Variants in LDAH observed in about 807,000 individuals in gnomAD.
The protein encoded by LDAH is lipid droplet associated hydrolase.
A neutral mutation model predicts 29.6 loss-of-function variants in LDAH; 26 were observed. The observed-to-expected ratio is 0.88, with a 90% confidence interval of 0.64 to 1.22. The LOEUF (loss-of-function observed/expected upper bound fraction) is 1.22. Among genes scored for constraint, LDAH ranks in the 50% most tolerant of loss-of-function variants. The probability of loss-of-function intolerance (pLI) is 0.00; values close to 1 mark genes in which losing one functional copy is unlikely to be tolerated. For synonymous variants in LDAH, 117 were observed against 133.0 expected (o/e 0.88, Z 0.83); for missense variants, 344 against 387.3 (o/e 0.89, Z 0.94).
At chr2:20,781,096 G>A (rs941636025) in intron 3 of LDAH, among the ~76,000 whole-genome samples, 1 of 152,140 alleles carries the variant, frequency 6.6e-6, no homozygotes, top group African/African-American at 2.4e-5. Context: ...AAACCAGCAT[G>A]ATTTCTAGCT....
Position 20,701,553 on chromosome 2 carries a change from A to G in LDAH, c.786+17T>C. 6.2e-7 allele frequency: 1 copy of G among 1,605,944 alleles called. No individual in the cohort carries two copies. The highest frequency in any genetic ancestry group is 8.5e-7 in the Non-Finnish European group (1 of 1,172,682). ...ATCTACTTATTATCTATCCCCTTGCAGCACTAAAGTGATTACCTTACATAA... is the reference window on the plus strand; with the variant it reads ...ATCTACTTATTATCTATCCCCTTGCGGCACTAAAGTGATTACCTTACATAA... On this transcript the variant is annotated intron_variant, in intron 6 of 6. Coordinates refer to ENST00000237822, the MANE Select transcript of LDAH (RefSeq NM_021925.4).
intron 4 of LDAH, among the ~76,000 whole-genome samples, chr2:20,760,203 T>C (rs949601320): frequency 6.6e-6 from 1 of 151,964 alleles, no homozygotes; most frequent in Non-Finnish European, 1.5e-5. Context: ...GGTAAGATAG[T>C]GTAAAAGCAG....
rs138999136 is a variant in LDAH at position 20,767,007 on chromosome 2, C to T, written c.468+7803G>A. On this transcript the variant is annotated intron_variant, in intron 4 of 6. Coordinates refer to ENST00000237822, the MANE Select transcript of LDAH (RefSeq NM_021925.4). The stretch of plus-strand genomic sequence containing the variant: ...ACACTCCTGACGGCCAGACCAGGGC[C>T]TGCAATCCATTCCTGGAGGTGCGCA... Among the ~76,000 whole-genome samples, 195 of 152,342 alleles carry T rather than the reference C, an allele frequency of 1.3e-3. 1 individual carries two copies. Among genetic ancestry groups the T allele is most frequent in the African/African-American group, 4.4e-3 (183 of 41,590 alleles).
intron 4 of LDAH, among the ~76,000 whole-genome samples, chr2:20,766,623 C>A (rs1448577463): frequency 6.6e-6 from 1 of 152,258 alleles, no homozygotes; most frequent in Non-Finnish European, 1.5e-5. Context: ...GACTGATCCA[C>A]TGGTTGCAAC....
In LDAH at chr2:20,777,844, T is replaced by C. The variant is rs1175553123; in HGVS notation, c.299-2865A>G. Among the ~76,000 whole-genome samples, 8 of 152,182 alleles carry C rather than the reference T, an allele frequency of 5.3e-5. No individual in the cohort carries two copies. In the East Asian group the frequency reaches 1.3e-3, roughly 26 times the overall value. ...TTAATAGTAATATATTCTGAGAAAA[T>C]GCTAGAAATTATTAACTTACTCTCC... On this transcript the variant is annotated intron_variant, in intron 3 of 6. Coordinates refer to ENST00000237822, the MANE Select transcript of LDAH (RefSeq NM_021925.4).
Position 20,685,772 on chromosome 2 carries a change from G to A in LDAH, c.*1131C>T, listed in dbSNP as rs933018554. 3.2e-6 allele frequency: 4 copies of A among 1,259,248 alleles called. No homozygotes were observed. The highest frequency in any genetic ancestry group is 4.3e-6 in the Non-Finnish European group (4 of 933,216). The allele number at this position is 1,259,248 out of a possible 1,614,324, so 78.0% of individuals were successfully genotyped here. ...ATATTGTCAGCCCACTCTAGGCCAGGGAATATGTGTCTTCTCTGCCATACC... is the reference window on the plus strand; with the variant it reads ...ATATTGTCAGCCCACTCTAGGCCAGAGAATATGTGTCTTCTCTGCCATACC... On this transcript the variant is annotated 3_prime_UTR_variant, in exon 7 of 7. Transcript: ENST00000237822.
rs529675917 is a variant in LDAH, at chr2:20,815,395, C to A, written c.-3+7642G>T. 5.9e-5 allele frequency among the ~76,000 whole-genome samples: 9 copies of A among 151,742 alleles called. No individual in the cohort carries two copies. In the East Asian group the frequency reaches 1.7e-3, roughly 29 times the overall value. ...AAAGATATAATAGCTGAAAACTTCACAATTTGACAAAAGACATAAATCTAC... is the reference window on the plus strand; with the variant it reads ...AAAGATATAATAGCTGAAAACTTCAAAATTTGACAAAAGACATAAATCTAC... On this transcript the variant is annotated intron_variant, in intron 1 of 6. Transcript: ENST00000237822.
chr2:20,806,829 T>A (rs1572674570), intron 1 of LDAH, among the ~76,000 whole-genome samples: 1 of 151,784 alleles, frequency 6.6e-6, no homozygotes, highest in East Asian at 1.9e-4. Context: ...ATGCATATAT[T>A]AGAAAACAAG....
At chr2:20,708,959 A>C (rs892222390) in intron 5 of LDAH, among the ~76,000 whole-genome samples, 1 of 152,220 alleles carries the variant, frequency 6.6e-6, no homozygotes, top group Non-Finnish European at 1.5e-5. Flanking sequence ...AACTCTTACA[A>C]ATCAATAATA....
At chr2:20,817,326 A>G (rs1672918362) in intron 1 of LDAH, among the ~76,000 whole-genome samples, 6 of 152,038 alleles carry the variant, frequency 3.9e-5, no homozygotes, top group Admixed American at 3.9e-4. Flanking sequence ...TTACTAATAC[A>G]GTAGCAATAA....
In LDAH at chr2:20,787,612, C is replaced by T. The variant is rs2043717; in HGVS notation, c.298+2643G>A. Among the ~76,000 whole-genome samples the T allele has an allele frequency of 5.2e-3, 787 of 152,048 alleles. 8 individuals carry two copies. Among genetic ancestry groups the T allele is most frequent in the African/African-American group, 0.018 (746 of 41,482 alleles). On this transcript the variant is annotated intron_variant, in intron 3 of 6. Transcript: ENST00000237822. ...CTTAGCCTCAGCTTTTTTCTTATTG[C>T]GAGGAGAGAAGTGACAAACTCCAAG...
intron 5 of LDAH, among the ~76,000 whole-genome samples, chr2:20,704,996 C>T (rs1664206077): frequency 6.6e-6 from 1 of 152,206 alleles, no homozygotes; most frequent in Non-Finnish European, 1.5e-5. Context: ...TTTGCCACTT[C>T]TCTGGACTGG....
Position 20,715,786 on chromosome 2 carries a change from A to G in LDAH, c.704-14134T>C, listed in dbSNP as rs535296594. ...GAGTGAACTCCCATTCACAATTGCT[A>G]CAAAGAGAATAAAATACCTAGGAAT... On this transcript the variant is annotated intron_variant, in intron 5 of 6. Coordinates refer to ENST00000237822, the MANE Select transcript of LDAH (RefSeq NM_021925.4). 2.0e-5 allele frequency among the ~76,000 whole-genome samples: 3 copies of G among 150,690 alleles called. No homozygotes were observed. In the East Asian group the frequency reaches 5.8e-4, roughly 29 times the overall value.
intron 4 of LDAH, among the ~76,000 whole-genome samples, chr2:20,746,745 G>T (rs1667594841): frequency 1.3e-5 from 2 of 151,506 alleles, no homozygotes; most frequent in African/African-American, 4.8e-5. Context: ...TGTGGTGAAG[G>T]TTTCCAAATC....
intron 5 of LDAH, among the ~76,000 whole-genome samples, chr2:20,739,291 C>T (rs1353142347): frequency 6.6e-6 from 1 of 151,926 alleles, no homozygotes; most frequent in Non-Finnish European, 1.5e-5. Context: ...ACTAGAATAA[C>T]CTTTTGAAGT....
chr2:20,690,664 G>T (rs1399597094), intron 6 of LDAH, among the ~76,000 whole-genome samples: 1 of 152,126 alleles, frequency 6.6e-6, no homozygotes, highest in Non-Finnish European at 1.5e-5. Context: ...AGGAAAATGA[G>T]AAAGTATGGA....
rs1662532494 is a variant in LDAH at position 20,686,016 on chromosome 2, G to C, written c.*887C>G. The C allele has an allele frequency of 5.4e-6, 1 of 184,534 alleles. No homozygotes were observed. The highest frequency in any genetic ancestry group is 2.4e-5 in the African/African-American group (1 of 42,144). 11.4% of individuals were successfully genotyped at this position (184,534 alleles called of 1,614,324 possible). A position where few individuals can be genotyped will look rare whatever the true frequency, so the allele number is the denominator to read the frequency against. On this transcript the variant is annotated 3_prime_UTR_variant, in exon 7 of 7. Transcript: ENST00000237822. ...AGTAGCTAAGAACTCCATCCTCAAT[G>C]GCTAGCACACTATTTGGCTCATTGA...
intron 5 of LDAH, among the ~76,000 whole-genome samples, chr2:20,713,958 A>G (rs1664969999): frequency 6.6e-6 from 1 of 152,214 alleles, no homozygotes; most frequent in Admixed American, 6.5e-5. Context: ...CACTGTCAAT[A>G]TTAGACAAAT....
chr2:20,739,729 T>C (rs1207171271), intron 5 of LDAH, among the ~76,000 whole-genome samples: 1 of 152,222 alleles, frequency 6.6e-6, no homozygotes, highest in African/African-American at 2.4e-5. Flanking sequence ...CTCACTGTGC[T>C]GCAGCTAGAG....
Sources: gnomAD v4.1 joint callset for allele counts (sites outside exome capture counted in the v4.1 genomes callset) on GRCh38, gnomAD v4.1.1 for gene constraint, MANE v1.5 for transcripts, NCBI Gene and HGNC (gene_info 2026-07-23, HGNC 2026-07-21) for gene names.